The following PTPRD variants were observed in gnomAD, a reference collection of about 807,000 sequenced individuals.
The protein encoded by PTPRD is receptor-type tyrosine-protein phosphatase delta.
A neutral mutation model predicts 214.5 loss-of-function variants in PTPRD; 34 were observed. That is an observed-to-expected ratio of 0.16 (90% CI 0.12 to 0.21). The LOEUF is 0.21. PTPRD is among the 10% of genes least tolerant of loss of function. The probability of loss-of-function intolerance (pLI) is 1.00; values close to 1 mark genes in which losing one functional copy is unlikely to be tolerated. For synonymous variants in PTPRD, 1,128 were observed against 845.7 expected (o/e 1.33, Z -5.79); for missense variants, 2,545 against 2,398.7 (o/e 1.06, Z -1.27).
intron 3 of PTPRD, among the ~76,000 whole-genome samples, chr9:10,198,043 T>G (rs1000085788): frequency 6.6e-6 from 1 of 152,122 alleles, no homozygotes; most frequent in African/African-American, 2.4e-5. Flanking sequence ...GTTTCTTCTA[T>G]TCATATAGTT....
chr9:8,854,620 T>C (rs1412982173), intron 11 of PTPRD, among the ~76,000 whole-genome samples: 1 of 152,204 alleles, frequency 6.6e-6, no homozygotes, highest in Non-Finnish European at 1.5e-5. Flanking sequence ...CTAATGTCTC[T>C]CAAGATTGCC....
At chr9:10,408,764 T>G (rs1457142053) in intron 2 of PTPRD, among the ~76,000 whole-genome samples, 1 of 151,722 alleles carries the variant, frequency 6.6e-6, no homozygotes, top group Non-Finnish European at 1.5e-5. Flanking sequence ...GTGTTTAGTC[T>G]TTCTAAGACT....
intron 9 of PTPRD, among the ~76,000 whole-genome samples, chr9:9,262,033 A>C (rs66591630): frequency 0.17 from 25,818 of 151,610 alleles, 2,460 homozygotes; most frequent in African/African-American, 0.23. Flanking sequence ...CCTCTTGCAA[A>C]ATATATTAAA....
In PTPRD at chr9:8,911,692, T is replaced by C. The variant is rs2098749659; in HGVS notation, c.-104+107005A>G. On this transcript the variant is annotated intron_variant, in intron 11 of 45. Transcript: ENST00000381196. ...ATAGGTGAACTTGAGCAAAATTTAA[T>C]TTTTTTTCTGTTTAAAGGGTGGCAT... Among the ~76,000 whole-genome samples the C allele has an allele frequency of 3.3e-5, 5 of 152,040 alleles. No homozygotes were observed. The South Asian group carries it at 1.0e-3, about 32-fold the overall frequency.
At chr9:10,556,389 T>C (rs984246759) in intron 2 of PTPRD, among the ~76,000 whole-genome samples, 1 of 152,100 alleles carries the variant, frequency 6.6e-6, no homozygotes, top group East Asian at 1.9e-4. Context: ...GGGGATATTA[T>C]GAAAACAGTG....
At chr9:10,525,779 C>A (rs1282245325) in intron 2 of PTPRD, among the ~76,000 whole-genome samples, 1 of 140,290 alleles carries the variant, frequency 7.1e-6, no homozygotes, top group Non-Finnish European at 1.6e-5. Flanking sequence ...AAAACTGATA[C>A]ATTGAAGAAT....
At chr9:9,167,191 G>A (rs920473841) in intron 10 of PTPRD, among the ~76,000 whole-genome samples, 42 of 151,196 alleles carry the variant, frequency 2.8e-4, no homozygotes, top group African/African-American at 9.0e-4. Flanking sequence ...TTAAATGCCC[G>A]TCATCCCTAT....
At chr9:10,044,917 G>C (rs1248879822) in intron 3 of PTPRD, among the ~76,000 whole-genome samples, 1 of 151,602 alleles carries the variant, frequency 6.6e-6, no homozygotes, top group East Asian at 1.9e-4. Context: ...TTCACTATCA[G>C]TTTATGAGTC....
At chr9:8,356,528 C>G (rs1420327334) in intron 39 of PTPRD, among the ~76,000 whole-genome samples, 1 of 152,150 alleles carries the variant, frequency 6.6e-6, no homozygotes, top group Non-Finnish European at 1.5e-5. Flanking sequence ...AGTCTGGGAA[C>G]ATTTCAAAAT....
chr9:10,251,495 A>T (rs2092764598), intron 3 of PTPRD, among the ~76,000 whole-genome samples: 1 of 152,094 alleles, frequency 6.6e-6, no homozygotes, highest in South Asian at 2.1e-4. Context: ...GTGATTTACA[A>T]CAAGTTGCTT....
At chr9:10,139,014 C>G (rs942072841) in intron 3 of PTPRD, among the ~76,000 whole-genome samples, 2 of 151,894 alleles carry the variant, frequency 1.3e-5, no homozygotes, top group African/African-American at 2.4e-5. Flanking sequence ...CGCTGCTATT[C>G]AACATAGTAT....
chr9:9,331,917 G>GA (rs2042454675), intron 9 of PTPRD, among the ~76,000 whole-genome samples: 1 of 152,004 alleles, frequency 6.6e-6, no homozygotes, highest in African/African-American at 2.4e-5. Flanking sequence ...AACTGGAGGG[G>GA]AAGTTTGGGG....
chr9:8,445,767 A>G (rs10977111), intron 34 of PTPRD, among the ~76,000 whole-genome samples: 58,112 of 152,068 alleles, frequency 0.38, 12,518 homozygotes, highest in East Asian at 0.65. Context: ...ATTATGCTCA[A>G]TAAGAGAAAA....
chr9:9,956,583 T>C (rs1018913482), intron 4 of PTPRD, among the ~76,000 whole-genome samples: 2 of 152,292 alleles, frequency 1.3e-5, no homozygotes, highest in South Asian at 2.1e-4. Flanking sequence ...GTTTATCATT[T>C]TGTCACACAT....
At chr9:9,522,499 C>A (rs991765151) in intron 8 of PTPRD, among the ~76,000 whole-genome samples, 1 of 151,890 alleles carries the variant, frequency 6.6e-6, no homozygotes, top group Non-Finnish European at 1.5e-5. Flanking sequence ...TGACAGACAA[C>A]CCCCAAAAAG....
At chr9:8,808,897 T>G (rs1003273507) in intron 11 of PTPRD, among the ~76,000 whole-genome samples, 1 of 152,130 alleles carries the variant, frequency 6.6e-6, no homozygotes, top group African/African-American at 2.4e-5. Flanking sequence ...TACCGCTGAC[T>G]GAAGCATGAA....
chr9:8,531,011 CA>C (rs2075550895), intron 14 of PTPRD, among the ~76,000 whole-genome samples: 1 of 151,982 alleles, frequency 6.6e-6, no homozygotes, highest in Non-Finnish European at 1.5e-5. Context: ...CCTATCAGAC[CA>C]GGTAGTTAGG....
intron 35 of PTPRD, among the ~76,000 whole-genome samples, chr9:8,424,202 G>A (rs375922815): frequency 2.6e-5 from 4 of 152,204 alleles, no homozygotes; most frequent in East Asian, 3.9e-4. Context: ...CTTCCTTGGG[G>A]TCACCTGACT....
At chr9:9,169,643 G>T (rs1343128749) in intron 10 of PTPRD, among the ~76,000 whole-genome samples, 2 of 151,980 alleles carry the variant, frequency 1.3e-5, no homozygotes, top group African/African-American at 4.8e-5. Flanking sequence ...TTCTGTTTTT[G>T]CCAAAGTTAA....
Sources: allele counts gnomAD v4.1 joint callset (sites outside exome capture counted in the v4.1 genomes callset), GRCh38; gene constraint gnomAD v4.1.1; transcripts MANE v1.5; gene names NCBI Gene and HGNC (gene_info 2026-07-23, HGNC 2026-07-21).